The following CNTN6 variants were observed in gnomAD, a reference collection of about 807,000 sequenced individuals.
CNTN6 encodes contactin 6, also known as contactin-6.
CNTN6 carries 137 observed loss-of-function variants against 122.8 expected under a neutral mutation model. The ratio of observed to expected loss-of-function variants is 1.12; its 90% CI spans 0.97 to 1.29. The LOEUF (loss-of-function observed/expected upper bound fraction) is 1.29, where lower values mean the gene tolerates loss of function less well. CNTN6 is among the 50% of genes most tolerant of loss of function. The pLI is 0.00. For synonymous variants in CNTN6, 570 were observed against 426.0 expected (o/e 1.34, Z -4.16); for missense variants, 1,634 against 1,223.4 (o/e 1.34, Z -5.01).
rs1018737704 is a variant in CNTN6, at chr3:1,266,950, T to G, written c.359-11463T>G. Reference sequence around the variant, plus strand: ...GGGAAGCCAGTGGTCAGCCTGGCCCTTTTTTTTTTTTTTTTTTTTTTTTGG... The same window carrying G: ...GGGAAGCCAGTGGTCAGCCTGGCCCGTTTTTTTTTTTTTTTTTTTTTTTGG... On this transcript the variant is annotated intron_variant, in intron 4 of 22. Transcript: ENST00000446702. Among the ~76,000 whole-genome samples, 26 of 64,058 alleles carry G rather than the reference T, an allele frequency of 4.1e-4. 1 individual carries two copies. In the South Asian group the frequency reaches 0.011, roughly 27 times the overall value. The allele number at this position is 64,058 out of a possible 152,430, so 42.0% of individuals were successfully genotyped here.
At chr3:1,291,615 A>T (rs1229794897) in intron 5 of CNTN6, among the ~76,000 whole-genome samples, 1 of 152,216 alleles carries the variant, frequency 6.6e-6, no homozygotes, top group Non-Finnish European at 1.5e-5. Flanking sequence ...GGTTCAAAAG[A>T]TGAGGAGTCA....
chr3:1,213,539 A>G (rs1421962088), intron 2 of CNTN6, among the ~76,000 whole-genome samples: 1 of 151,980 alleles, frequency 6.6e-6, no homozygotes, highest in African/African-American at 2.4e-5. Context: ...AATATTATGC[A>G]AAGAAAATAA....
At chr3:1,181,201 T>C (rs987448062) in intron 2 of CNTN6, among the ~76,000 whole-genome samples, 2 of 152,194 alleles carry the variant, frequency 1.3e-5, no homozygotes, top group Non-Finnish European at 2.9e-5. Context: ...AGTACTATTT[T>C]CTTTGACTGA....
chr3:1,401,581 A>T (rs1427858516), intron 21 of CNTN6, 36 bp downstream of exon 21: 2 of 1,409,556 alleles, frequency 1.4e-6, no homozygotes, highest in South Asian at 1.3e-5. Context: ...CATATCAATT[A>T]AGTTACTAAG....
rs889069812 is a variant in CNTN6 at position 1,123,076 on chromosome 3, G to C, written c.-82-24851G>C. On this transcript the variant is annotated intron_variant, in intron 1 of 22. Transcript: ENST00000446702. The stretch of plus-strand genomic sequence containing the variant: ...TCATATTTAGCTTTAAAACTGGGAA[G>C]TATAAGTCCTTCAAGTTTGTTCTTT... Among the ~76,000 whole-genome samples the C allele has an allele frequency of 2.0e-5, 3 of 151,890 alleles. No individual in the cohort carries two copies. The Admixed American group carries it at 2.0e-4, about 10-fold the overall frequency.
At chr3:1,149,834 A>G (rs2092801152) in intron 2 of CNTN6, among the ~76,000 whole-genome samples, 1 of 152,196 alleles carries the variant, frequency 6.6e-6, no homozygotes, top group African/African-American at 2.4e-5. Flanking sequence ...TTAAATATGT[A>G]TATTGAATTA....
chr3:1,144,951 G>A (rs964636182), intron 1 of CNTN6, among the ~76,000 whole-genome samples: 13 of 152,284 alleles, frequency 8.5e-5, no homozygotes, highest in East Asian at 1.9e-4. Flanking sequence ...CAGGCCTCCG[G>A]AGGATTGGGT....
At chr3:1,162,406 A>T (rs2093156529) in intron 2 of CNTN6, among the ~76,000 whole-genome samples, 2 of 152,154 alleles carry the variant, frequency 1.3e-5, no homozygotes, top group African/African-American at 4.8e-5. Flanking sequence ...GGGAGGGGAA[A>T]AAAAACCCCT....
chr3:1,139,826 G>A (rs186210960), intron 1 of CNTN6, among the ~76,000 whole-genome samples: 58 of 152,282 alleles, frequency 3.8e-4, no homozygotes, highest in Admixed American at 3.7e-3. Context: ...CCTTACTTGA[G>A]CACAGTTTGA....
At position 1,227,906 on chromosome 3, in the gene CNTN6, A is replaced by G; in HGVS notation, c.271A>G (p.Thr91Ala). The G allele has an allele frequency of 6.2e-7, 1 of 1,614,058 alleles. No individual in the cohort carries two copies. Among genetic ancestry groups the G allele is most frequent in the Non-Finnish European group, 8.5e-7 (1 of 1,179,982 alleles). The change falls in exon 4 of 23, where the codon ACA becomes GCA. Residue 91 changes from threonine (T) to alanine (A), a missense_variant. Transcript: ENST00000446702. ...GGSLAINSPH[T>A]DQDIGMYQCL... is the part of the protein sequence containing the mutation. ...CAGTCTTGCAATCAATAGCCCCCAC[A>G]CAGATCAAGATATTGGCATGTACCA...
At chr3:1,347,777 C>G (rs1464142118) in intron 11 of CNTN6, among the ~76,000 whole-genome samples, 1 of 151,992 alleles carries the variant, frequency 6.6e-6, no homozygotes, top group Non-Finnish European at 1.5e-5. Flanking sequence ...AAAATTAGAG[C>G]ATTGTAGATC....
At chr3:1,191,783 G>A (rs964704200) in intron 2 of CNTN6, among the ~76,000 whole-genome samples, 6 of 152,238 alleles carry the variant, frequency 3.9e-5, no homozygotes, top group Admixed American at 3.9e-4. Context: ...AGGTAGTTTA[G>A]TGTCAGAATT....
At chr3:1,353,032 T>C (rs1447959203) in intron 12 of CNTN6, among the ~76,000 whole-genome samples, 1 of 151,766 alleles carries the variant, frequency 6.6e-6, no homozygotes, top group African/African-American at 2.4e-5. Flanking sequence ...TACTTTACTT[T>C]TAAGATTTCT....
chr3:1,178,882 T>C (rs777893287), intron 2 of CNTN6, among the ~76,000 whole-genome samples: 2 of 152,124 alleles, frequency 1.3e-5, no homozygotes, highest in Non-Finnish European at 2.9e-5. Flanking sequence ...CTCCCATCTT[T>C]AGGGTAATCT....
intron 7 of CNTN6, among the ~76,000 whole-genome samples, chr3:1,299,822 T>C (rs1696887456): frequency 6.6e-6 from 1 of 152,220 alleles, no homozygotes. Context: ...ATAATCTCTA[T>C]GAATTACCAT....
At chr3:1,257,051 C>A (rs1159744321) in intron 4 of CNTN6, among the ~76,000 whole-genome samples, 1 of 152,114 alleles carries the variant, frequency 6.6e-6, no homozygotes, top group East Asian at 1.9e-4. Flanking sequence ...TTATGTATTG[C>A]TTAATATGTA....
intron 2 of CNTN6, among the ~76,000 whole-genome samples, chr3:1,164,220 C>T (rs2093197343): frequency 6.6e-6 from 1 of 152,206 alleles, no homozygotes; most frequent in African/African-American, 2.4e-5. Context: ...CAACATTGAC[C>T]TTAGGTCCAC....
chr3:1,327,397 C>T, intron 9 of CNTN6, 60 bp from the exon 10 acceptor site: 1 of 1,517,170 alleles, frequency 6.6e-7, no homozygotes, highest in Non-Finnish European at 9.1e-7. Context: ...ATAACATATC[C>T]TGGTTAAGAG....
At chr3:1,188,993 A>C (rs1179186953) in intron 2 of CNTN6, among the ~76,000 whole-genome samples, 1 of 152,210 alleles carries the variant, frequency 6.6e-6, no homozygotes, top group Non-Finnish European at 1.5e-5. Flanking sequence ...TTTGGCATGC[A>C]GATGTCCACA....
Sources: gnomAD v4.1 joint callset for allele counts (sites outside exome capture counted in the v4.1 genomes callset) on GRCh38, gnomAD v4.1.1 for gene constraint, MANE v1.5 for transcripts, NCBI Gene and HGNC (gene_info 2026-07-23, HGNC 2026-07-21) for gene names.